NEBL: variants seen among roughly 807,000 people sequenced by gnomAD.
NEBL encodes LIM and SH3 protein 2.
Under a neutral mutation model 140.2 loss-of-function variants are expected in NEBL, and 122 were observed. That is an observed-to-expected ratio of 0.87 (90% CI 0.75 to 1.01). The LOEUF (loss-of-function observed/expected upper bound fraction) is 1.01, where lower values mean the gene tolerates loss of function less well. Among genes scored for constraint, NEBL ranks in the 50% least tolerant of loss-of-function variants. The pLI, the probability that NEBL is intolerant of heterozygous loss-of-function variation, is 0.00. For synonymous variants in NEBL, 436 were observed against 398.9 expected, an observed-to-expected ratio of 1.09 and a Z score of -1.11; for missense variants, 1,365 against 1,231.3, an observed-to-expected ratio of 1.11 and a Z score of -1.62.
At chr10:21,089,371 TG>T (rs1432018970) in intron 2 of NEBL, among the ~76,000 whole-genome samples, 6 of 152,076 alleles carry the variant, frequency 3.9e-5, no homozygotes, top group Non-Finnish European at 5.9e-5. Flanking sequence ...GAGCTAGCCA[TG>T]GAAGTCCTGG....
chr10:21,108,112 A>C (rs1837806533), intron 2 of NEBL, among the ~76,000 whole-genome samples: 1 of 152,138 alleles, frequency 6.6e-6, no homozygotes, highest in Non-Finnish European at 1.5e-5. Flanking sequence ...TCAAAAAAAC[A>C]GCTCCTGGAT....
chr10:20,919,213 C>T (rs1307444355), intron 4 of NEBL, among the ~76,000 whole-genome samples: 2 of 152,018 alleles, frequency 1.3e-5, no homozygotes, highest in African/African-American at 2.4e-5. Flanking sequence ...TCATGATTTC[C>T]GAGAAAATTA....
chr10:21,169,070 AT>A (rs1840957413), intron 2 of NEBL, among the ~76,000 whole-genome samples: 39 of 44,210 alleles, frequency 8.8e-4, no homozygotes, highest in African/African-American at 2.5e-3. Flanking sequence ...AAAAAAAAAT[AT>A]ATATATATAT....
At position 20,855,161 on chromosome 10, in the gene NEBL, G is replaced by A. The variant is rs528143041; in HGVS notation, c.904-2512C>T. 1.5e-4 allele frequency among the ~76,000 whole-genome samples: 23 copies of A among 151,538 alleles called. 1 individual carries two copies. The highest frequency in any genetic ancestry group is 5.3e-4 in the African/African-American group (22 of 41,316). On this transcript the variant is annotated intron_variant, in intron 9 of 27. Transcript: ENST00000377122. ...AGGAGAATCGCTTGAACCTGGGAGC[G>A]GAGGTTGCAGTGAGCTGAGATCGTG...
intron 5 of NEBL, among the ~76,000 whole-genome samples, chr10:20,880,217 C>T (rs1308777423): frequency 6.6e-6 from 1 of 152,034 alleles, no homozygotes; most frequent in Non-Finnish European, 1.5e-5. Context: ...AAAAATTAGG[C>T]CGGTGTGGTG....
chr10:20,785,416 CT>C lies in NEBL; in HGVS notation c.*330del, dbSNP rs1435942897. ...ACAGCTAAGAAGTTTCAAACACACA[CT>C]ACATTTAAGGGACAATCAACTTCTC... On this transcript the variant is annotated 3_prime_UTR_variant, in exon 28 of 28. Transcript: ENST00000377122. The C allele has an allele frequency of 6.0e-6, 2 of 331,488 alleles. No homozygotes were observed. The highest frequency in any genetic ancestry group is 5.7e-6 in the Non-Finnish European group (1 of 174,094). The allele number at this position is 331,488 out of a possible 1,614,324, so 20.5% of individuals were successfully genotyped here.
At chr10:20,856,563 T>A (rs1326205994) in intron 9 of NEBL, among the ~76,000 whole-genome samples, 1 of 152,082 alleles carries the variant, frequency 6.6e-6, no homozygotes, top group East Asian at 1.9e-4. Flanking sequence ...AATATATCAA[T>A]TTTAGAAGCA....
intron 3 of NEBL, chr10:21,247,619 ATAATTCCCC>A (rs1326024501): frequency 6.6e-6 from 1 of 152,138 alleles, no homozygotes; most frequent in Non-Finnish European, 1.5e-5. Flanking sequence ...CCATTAAGCA[ATAATTCCCC>A]TATTTGCTGC....
intron 3 of NEBL, among the ~76,000 whole-genome samples, chr10:21,227,204 C>A (rs886261532): frequency 6.6e-6 from 1 of 152,028 alleles, no homozygotes; most frequent in African/African-American, 2.4e-5. Context: ...GATCTCGTTG[C>A]ATCTTCCTTT....
At chr10:21,009,694 A>G (rs1235724692) in intron 3 of NEBL, among the ~76,000 whole-genome samples, 2 of 152,228 alleles carry the variant, frequency 1.3e-5, no homozygotes, top group African/African-American at 4.8e-5. Context: ...TTTTCAAAGA[A>G]TGATGTTAAC....
At chr10:20,857,976 G>A (rs1016649146) in intron 9 of NEBL, among the ~76,000 whole-genome samples, 2 of 152,132 alleles carry the variant, frequency 1.3e-5, no homozygotes, top group Non-Finnish European at 2.9e-5. Context: ...AGGGAAAGAA[G>A]AATGATGGAA....
chr10:21,246,781 T>C (rs35843370), intron 3 of NEBL, among the ~76,000 whole-genome samples: 46,081 of 151,826 alleles, frequency 0.3, 8,514 homozygotes, highest in African/African-American at 0.52. Context: ...TTGCAGTGAG[T>C]CATGATCACA....
intron 2 of NEBL, among the ~76,000 whole-genome samples, chr10:21,028,522 T>C (rs7918689): frequency 0.56 from 84,352 of 151,928 alleles, 23,573 homozygotes; most frequent in East Asian, 0.71. Flanking sequence ...CTATATAGGA[T>C]TTTTTTAAAG....
intron 2 of NEBL, chr10:21,171,955 A>G (rs947104899): frequency 4.1e-6 from 1 of 244,664 alleles, no homozygotes; most frequent in African/African-American, 2.3e-5. Flanking sequence ...CTAAGACCAA[A>G]TGAGCAAGAC....
chr10:20,976,754 C>A (rs1215937053), intron 3 of NEBL, among the ~76,000 whole-genome samples: 11 of 151,868 alleles, frequency 7.2e-5, no homozygotes, highest in Admixed American at 7.2e-4. Context: ...GAACAATAGA[C>A]ACTGGGGACT....
chr10:20,869,081 C>G (rs1844641543), intron 6 of NEBL, among the ~76,000 whole-genome samples: 1 of 152,132 alleles, frequency 6.6e-6, no homozygotes, highest in Admixed American at 6.5e-5. Context: ...ACCCTGTACT[C>G]TCCATATAGG....
chr10:21,119,944 T>G (rs978573198), intron 2 of NEBL, among the ~76,000 whole-genome samples: 2 of 152,096 alleles, frequency 1.3e-5, no homozygotes, highest in African/African-American at 4.8e-5. Context: ...AACACCTCAT[T>G]TGCGGATTTA....
At chr10:21,017,566 C>T (rs893285711) in intron 3 of NEBL, among the ~76,000 whole-genome samples, 9 of 152,128 alleles carry the variant, frequency 5.9e-5, no homozygotes, top group Non-Finnish European at 1.0e-4. Flanking sequence ...AGAATAAAAT[C>T]GGCCATTCAT....
chr10:20,851,458 A>G (rs1022942053), intron 10 of NEBL, among the ~76,000 whole-genome samples: 1 of 152,060 alleles, frequency 6.6e-6, no homozygotes. Flanking sequence ...CGGGAAGTAT[A>G]ATAACACACA....
Sources: allele counts gnomAD v4.1 joint callset (sites outside exome capture counted in the v4.1 genomes callset), GRCh38; gene constraint gnomAD v4.1.1; transcripts MANE v1.5; gene names NCBI Gene and HGNC (gene_info 2026-07-23, HGNC 2026-07-21).